FOXP2: variants seen among roughly 807,000 people sequenced by gnomAD.
FOXP2 encodes forkhead box P2.
FOXP2 carries 12 observed loss-of-function variants against 115.8 expected under a neutral mutation model. The observed-to-expected ratio is 0.10, with a 90% CI of 0.07 to 0.17. The LOEUF (loss-of-function observed/expected upper bound fraction) is 0.17, where lower values mean the gene tolerates loss of function less well. FOXP2 is among the 10% of genes least tolerant of loss of function. FOXP2 has a pLI of 1.00. For missense variants in FOXP2, 629 were observed against 843.5 expected (o/e 0.75, Z 3.15); for synonymous variants, 328 against 297.7 (o/e 1.10, Z -1.05).
At chr7:114,146,567 C>A (rs1279786547) in intron 1 of FOXP2, among the ~76,000 whole-genome samples, 2 of 152,104 alleles carry the variant, frequency 1.3e-5, no homozygotes, top group Non-Finnish European at 2.9e-5. Context: ...TGCTTTAGGG[C>A]ATGTCATTCA....
intron 3 of FOXP2, among the ~76,000 whole-genome samples, chr7:114,572,769 A>G (rs1170780737): frequency 6.6e-6 from 1 of 151,866 alleles, no homozygotes; most frequent in African/African-American, 2.4e-5. Context: ...TCTACTGATG[A>G]GAGAAAAGAA....
chr7:114,344,455 G>A (rs1248840722), intron 2 of FOXP2, among the ~76,000 whole-genome samples: 6 of 151,910 alleles, frequency 3.9e-5, no homozygotes, highest in South Asian at 2.1e-4. Context: ...TGTGATACAC[G>A]TTTACTCTTC....
intron 2 of FOXP2, among the ~76,000 whole-genome samples, chr7:114,314,484 C>T (rs1198051528): frequency 1.3e-5 from 2 of 152,022 alleles, no homozygotes; most frequent in Non-Finnish European, 2.9e-5. Flanking sequence ...GAACAATCTC[C>T]ACTGAGCAAT....
chr7:114,115,090 T>C (rs1034119775), intron 1 of FOXP2, among the ~76,000 whole-genome samples: 6 of 152,306 alleles, frequency 3.9e-5, no homozygotes, highest in Non-Finnish European at 8.8e-5. Flanking sequence ...TTTTTCCATT[T>C]CCAACTTTGC....
At chr7:114,513,856 A>G (rs1798193769) in intron 2 of FOXP2, among the ~76,000 whole-genome samples, 2 of 151,992 alleles carry the variant, frequency 1.3e-5, no homozygotes, top group South Asian at 4.1e-4. Context: ...TTTATATATC[A>G]CAAACAAAAG....
chr7:114,682,576 G>A (rs1253505360), intron 16 of FOXP2, among the ~76,000 whole-genome samples: 1 of 152,084 alleles, frequency 6.6e-6, no homozygotes, highest in Non-Finnish European at 1.5e-5. Context: ...GCACCTTGAG[G>A]AATTTGCAGA....
At chr7:114,432,043 T>C (rs957190556) in intron 2 of FOXP2, among the ~76,000 whole-genome samples, 1 of 151,972 alleles carries the variant, frequency 6.6e-6, no homozygotes, top group African/African-American at 2.4e-5. Flanking sequence ...TAGTTTGAAT[T>C]ACAATCTTTG....
intron 2 of FOXP2, among the ~76,000 whole-genome samples, chr7:114,359,488 A>G (rs1231077748): frequency 6.6e-6 from 1 of 152,228 alleles, no homozygotes; most frequent in Non-Finnish European, 1.5e-5. Context: ...TTGTAGATCC[A>G]CTGACAGCTT....
intron 2 of FOXP2, among the ~76,000 whole-genome samples, chr7:114,432,658 A>G (rs557906060): frequency 2.5e-4 from 38 of 151,910 alleles, no homozygotes; most frequent in Non-Finnish European, 4.1e-4. Context: ...ACATTTATCA[A>G]GTTTAACTAT....
intron 10 of FOXP2, 193 bp downstream of exon 10, chr7:114,654,202 A>G (rs1806446194): frequency 7.6e-7 from 1 of 1,312,126 alleles, no homozygotes. Flanking sequence ...AAATCTATCC[A>G]ATCTACACCA....
At chr7:114,568,967 T>C (rs1209146175) in intron 3 of FOXP2, among the ~76,000 whole-genome samples, 6 of 152,090 alleles carry the variant, frequency 3.9e-5, no homozygotes, top group South Asian at 2.1e-4. Context: ...TTATTTAACA[T>C]AGGTGCTTGT....
At position 114,644,705 on chromosome 7, in the gene FOXP2, G is replaced by A. The variant is rs1315572414; in HGVS notation, c.1010G>A (p.Gly337Glu). The part of the protein sequence containing the change: ...RRDSSSHEET[G>E]ASHTLYGHGV... Reference sequence around the variant, plus strand: ...TACAGCTCGTCACATGAGGAGACTGGGGCCTCTCACACTCTCTATGGCCAT... The same window carrying A: ...TACAGCTCGTCACATGAGGAGACTGAGGCCTCTCACACTCTCTATGGCCAT... The change falls in exon 8 of 17, where the codon GGG becomes GAG. Residue 337 changes from glycine (G) to glutamate (E), a missense_variant. By Grantham distance (98) the Gly-to-Glu change is moderately conservative. Around this residue, in one of 9 missense-constraint regions of FOXP2, gnomAD observed 92 missense variants for 80.1 expected, o/e 1.15. Transcript: ENST00000350908. 1 of 1,613,808 alleles carries A rather than the reference G, an allele frequency of 6.2e-7. No homozygotes were observed. The highest frequency in any genetic ancestry group is 2.2e-5 in the East Asian group (1 of 44,858).
intron 2 of FOXP2, among the ~76,000 whole-genome samples, chr7:114,526,475 C>CAA (rs572915238): frequency 6.7e-4 from 46 of 69,086 alleles, no homozygotes; most frequent in African/African-American, 2.4e-3. Flanking sequence ...GACTCTGTCT[C>CAA]AAAAAAAAAA....
At chr7:114,128,806 C>T (rs1791796505) in intron 1 of FOXP2, among the ~76,000 whole-genome samples, 2 of 152,020 alleles carry the variant, frequency 1.3e-5, no homozygotes, top group Admixed American at 1.3e-4. Context: ...ATTATGAAAA[C>T]CCAGTTAAAA....
intron 1 of FOXP2, among the ~76,000 whole-genome samples, chr7:114,133,416 T>C (rs1791944685): frequency 6.6e-6 from 1 of 152,136 alleles, no homozygotes; most frequent in Non-Finnish European, 1.5e-5. Context: ...AGATAAAAAT[T>C]TGTAAGTTAG....
chr7:114,447,372 C>T (rs368763020), intron 2 of FOXP2, among the ~76,000 whole-genome samples: 1 of 151,980 alleles, frequency 6.6e-6, no homozygotes. Context: ...TACTTCGCAC[C>T]CTTCGATACT....
At chr7:114,432,125 G>A (rs1584727681) in intron 2 of FOXP2, among the ~76,000 whole-genome samples, 1 of 151,942 alleles carries the variant, frequency 6.6e-6, no homozygotes, top group South Asian at 2.1e-4. Context: ...AACATTTATT[G>A]TATTTGTCAG....
chr7:114,237,965 G>A (rs904250413), intron 1 of FOXP2, among the ~76,000 whole-genome samples: 3 of 152,058 alleles, frequency 2.0e-5, no homozygotes, highest in East Asian at 1.9e-4. Context: ...GCGGCAGAGC[G>A]AGACTGCATC....
intron 1 of FOXP2, among the ~76,000 whole-genome samples, chr7:114,420,706 T>G (rs1025931007): frequency 2.0e-5 from 3 of 151,854 alleles, no homozygotes; most frequent in Non-Finnish European, 2.9e-5. Flanking sequence ...GGTTATAAAG[T>G]AGCAGGGTGA....
Sources: gnomAD v4.1 joint callset for allele counts (sites outside exome capture counted in the v4.1 genomes callset) on GRCh38, gnomAD v4.1.1 for gene constraint, gnomAD v4.1.1 regional missense constraint, MANE v1.5 for transcripts, NCBI Gene and HGNC (gene_info 2026-07-23, HGNC 2026-07-21) for gene names.